Variants in WDR7 observed in about 807,000 individuals in gnomAD.
The protein encoded by WDR7 is WD repeat domain 7.
A neutral mutation model predicts 169.4 loss-of-function variants in WDR7; 46 were observed. That is an observed-to-expected ratio of 0.27 (90% CI 0.21 to 0.35). The LOEUF is 0.35. Ranked by LOEUF, WDR7 falls within the 10% of genes least tolerant of loss-of-function variation. The pLI is 1.00. For synonymous variants in WDR7, 612 were observed against 666.8 expected (o/e 0.92, Z 1.27); for missense variants, 1,534 against 1,859.3 (o/e 0.83, Z 3.22).
chr18:56,964,848 G>A (rs1023803337), intron 26 of WDR7, among the ~76,000 whole-genome samples: 1 of 152,106 alleles, frequency 6.6e-6, no homozygotes, highest in Non-Finnish European at 1.5e-5. Flanking sequence ...GTGAAAACAA[G>A]GCTAAATCTC....
intron 26 of WDR7, among the ~76,000 whole-genome samples, chr18:57,006,316 GT>G (rs201264018): frequency 0.066 from 9,846 of 148,540 alleles, 973 homozygotes; most frequent in African/African-American, 0.22. Flanking sequence ...CATCAAAGCA[GT>G]TTTTTTTTTT....
At chr18:57,030,890 AAAAAAG>A (rs2048438194), downstream of WDR7, 1 of 152,172 alleles carries the variant, frequency 6.6e-6, no homozygotes, top group Admixed American at 6.5e-5. Context: ...AAAAAAAAAA[AAAAAAG>A]GACTACAGAG....
intron 27 of WDR7, 122 bp downstream of exon 27, chr18:57,020,971 A>G (rs772571760): frequency 5.0e-6 from 4 of 797,970 alleles, no homozygotes; most frequent in Non-Finnish European, 8.3e-6. Context: ...CTTGCAGCAA[A>G]CATCCAGTCT....
intron 26 of WDR7, among the ~76,000 whole-genome samples, chr18:56,978,839 A>C (rs2047602898): frequency 6.6e-6 from 1 of 152,212 alleles, no homozygotes; most frequent in Admixed American, 6.5e-5. Flanking sequence ...GCATGCCCGC[A>C]TGTAATTCTA....
chr18:56,981,116 T>C (rs1246179248), intron 26 of WDR7, among the ~76,000 whole-genome samples: 1 of 151,908 alleles, frequency 6.6e-6, no homozygotes, highest in East Asian at 1.9e-4. Context: ...ACAGTGAAAA[T>C]TGGGAGAAAT....
At chr18:56,889,628 G>A (rs539665561) in intron 21 of WDR7, among the ~76,000 whole-genome samples, 1 of 152,276 alleles carries the variant, frequency 6.6e-6, no homozygotes, top group African/African-American at 2.4e-5. Flanking sequence ...AGATTACACT[G>A]CTAAAAAGTA....
intron 13 of WDR7, 142 bp downstream of exon 13, chr18:56,718,301 C>G: frequency 1.1e-6 from 1 of 893,896 alleles, no homozygotes. Context: ...TTTAAGTGGC[C>G]TCTTTTTTGT....
At chr18:56,768,656 T>C (rs2044105447) in intron 16 of WDR7, among the ~76,000 whole-genome samples, 1 of 152,182 alleles carries the variant, frequency 6.6e-6, no homozygotes, top group African/African-American at 2.4e-5. Context: ...TTTTTTCATC[T>C]TTCTACTTTG....
At chr18:56,958,229 TTGTACACCCCAC>T (rs2047284380) in intron 25 of WDR7, among the ~76,000 whole-genome samples, 1 of 152,168 alleles carries the variant, frequency 6.6e-6, no homozygotes, top group African/African-American at 2.4e-5. Flanking sequence ...CTCCGGGGTT[TTGTACACCCCAC>T]TGTGGGTTGC....
At chr18:56,948,768 C>T (rs2047141224) in intron 25 of WDR7, among the ~76,000 whole-genome samples, 1 of 152,152 alleles carries the variant, frequency 6.6e-6, no homozygotes, top group Admixed American at 6.5e-5. Flanking sequence ...CTGAACAGAT[C>T]TCATCCCTGC....
At chr18:56,931,647 G>A (rs1422168729) in intron 22 of WDR7, among the ~76,000 whole-genome samples, 2 of 152,156 alleles carry the variant, frequency 1.3e-5, no homozygotes, top group African/African-American at 2.4e-5. Flanking sequence ...GGCAAAATGT[G>A]ATTTAGTATT....
At chr18:56,977,535 G>C (rs139719517) in intron 26 of WDR7, among the ~76,000 whole-genome samples, 2 of 152,218 alleles carry the variant, frequency 1.3e-5, no homozygotes, top group Non-Finnish European at 2.9e-5. Context: ...TCCTGCTTTA[G>C]AGTGAGCTGT....
Position 56,884,285 on chromosome 18 carries a change from G to A in WDR7, c.3526+4120G>A, listed in dbSNP as rs546535658. 4.6e-5 allele frequency among the ~76,000 whole-genome samples: 7 copies of A among 152,222 alleles called. No individual in the cohort carries two copies. The East Asian group carries it at 1.2e-3, about 25-fold the overall frequency. On this transcript the variant is annotated intron_variant, in intron 21 of 27. Transcript: ENST00000254442. ...TGTTGACCATTTTTTTCATATGTTT[G>A]TTGGCCATTTGTATATCTCCTTTTG...
chr18:56,800,573 G>T (rs973478787), intron 19 of WDR7, among the ~76,000 whole-genome samples: 5 of 151,828 alleles, frequency 3.3e-5, no homozygotes, highest in Non-Finnish European at 5.9e-5. Context: ...GCTCCACTGA[G>T]ATCTCCTTGG....
At chr18:56,976,099 C>T (rs2047561055) in intron 26 of WDR7, among the ~76,000 whole-genome samples, 1 of 152,090 alleles carries the variant, frequency 6.6e-6, no homozygotes, top group Non-Finnish European at 1.5e-5. Flanking sequence ...AAGGTTTGCT[C>T]CTGGAGGCTT....
intron 20 of WDR7, among the ~76,000 whole-genome samples, chr18:56,846,722 C>G (rs1180121011): frequency 1.3e-5 from 2 of 152,160 alleles, no homozygotes; most frequent in Non-Finnish European, 2.9e-5. Context: ...TCTTCTCTCT[C>G]TTGCTCCCTC....
At chr18:56,852,500 C>A (rs531569304) in intron 20 of WDR7, among the ~76,000 whole-genome samples, 3 of 152,254 alleles carry the variant, frequency 2.0e-5, no homozygotes, top group Non-Finnish European at 2.9e-5. Flanking sequence ...AAGAAAGCAT[C>A]CAGAGTACAT....
At chr18:56,986,722 G>A (rs545211349) in intron 26 of WDR7, among the ~76,000 whole-genome samples, 3 of 150,842 alleles carry the variant, frequency 2.0e-5, no homozygotes, top group Admixed American at 6.6e-5. Context: ...ACCCAATGAC[G>A]GGGGAAAATA....
chr18:56,893,601 G>C (rs1302904621), intron 21 of WDR7, among the ~76,000 whole-genome samples: 2 of 152,096 alleles, frequency 1.3e-5, no homozygotes, highest in Admixed American at 6.6e-5. Flanking sequence ...AACGGTAGGT[G>C]CTCATGGACT....
Sources: gnomAD v4.1 joint callset for allele counts (sites outside exome capture counted in the v4.1 genomes callset) on GRCh38, gnomAD v4.1.1 for gene constraint, MANE v1.5 for transcripts, NCBI Gene and HGNC (gene_info 2026-07-23, HGNC 2026-07-21) for gene names.